The following GPC5 variants were observed in gnomAD, a reference collection of about 807,000 sequenced individuals.
The protein encoded by GPC5 is glypican 5.
Under a neutral mutation model 53.9 loss-of-function variants are expected in GPC5, and 47 were observed. That is an observed-to-expected ratio of 0.87 (90% CI 0.69 to 1.11). GPC5 has a LOEUF of 1.11. Ranked by LOEUF, GPC5 falls within the 50% of genes most tolerant of loss-of-function variation. GPC5 has a pLI of 0.00. For synonymous variants in GPC5, 286 were observed against 263.3 expected, an observed-to-expected ratio of 1.09 and a Z score of -0.84; for missense variants, 748 against 713.1, an observed-to-expected ratio of 1.05 and a Z score of -0.56.
chr13:91,437,133 CTT>C (rs1220635327), intron 1 of GPC5, among the ~76,000 whole-genome samples: 1 of 152,104 alleles, frequency 6.6e-6, no homozygotes, highest in Non-Finnish European at 1.5e-5. Context: ...GGTCTTGACT[CTT>C]TATCCAATTT....
intron 6 of GPC5, chr13:91,996,101 C>T (rs1335559526): frequency 2.6e-5 from 4 of 152,186 alleles, no homozygotes; most frequent in Non-Finnish European, 5.9e-5. Context: ...CATTTATTCT[C>T]CTTTAGATCT....
At chr13:91,513,362 G>A (rs148249138) in intron 2 of GPC5, among the ~76,000 whole-genome samples, 64 of 152,070 alleles carry the variant, frequency 4.2e-4, no homozygotes, top group African/African-American at 1.5e-3. Flanking sequence ...ATTTGTGTGT[G>A]TGTGTGTGTG....
chr13:91,537,640 G>A (rs1886652890), intron 2 of GPC5, among the ~76,000 whole-genome samples: 1 of 152,096 alleles, frequency 6.6e-6, no homozygotes, highest in African/African-American at 2.4e-5. Flanking sequence ...CAAAATGAAA[G>A]GATGATGGAA....
intron 7 of GPC5, among the ~76,000 whole-genome samples, chr13:92,533,132 A>G (rs1055632615): frequency 6.6e-6 from 1 of 152,190 alleles, no homozygotes; most frequent in African/African-American, 2.4e-5. Context: ...TTCAAATTTT[A>G]TTACAGAATC....
At chr13:92,438,752 G>A (rs1877428086) in intron 7 of GPC5, among the ~76,000 whole-genome samples, 1 of 151,974 alleles carries the variant, frequency 6.6e-6, no homozygotes. Context: ...GAATTTTGGA[G>A]GCGGATTCTA....
At chr13:92,002,731 A>AC in intron 6 of GPC5, among the ~76,000 whole-genome samples, 3 of 152,078 alleles carry the variant, frequency 2.0e-5, no homozygotes, top group Middle Eastern at 6.8e-3. Flanking sequence ...ACCAAAAAAA[A>AC]CTACTTTTAG....
chr13:92,571,786 C>A (rs1883030802), intron 7 of GPC5, among the ~76,000 whole-genome samples: 1 of 152,094 alleles, frequency 6.6e-6, no homozygotes, highest in African/African-American at 2.4e-5. Context: ...AGCTTGTAAT[C>A]CCAGCACTTT....
chr13:91,731,445 C>T (rs570347047), intron 4 of GPC5, among the ~76,000 whole-genome samples: 1 of 152,230 alleles, frequency 6.6e-6, no homozygotes, highest in African/African-American at 2.4e-5. Flanking sequence ...GTATTTTTGT[C>T]AGGAGAGGAA....
intron 7 of GPC5, among the ~76,000 whole-genome samples, chr13:92,397,152 C>T (rs183933149): frequency 5.8e-4 from 89 of 152,262 alleles, no homozygotes; most frequent in African/African-American, 1.9e-3. Flanking sequence ...TCAAAGTTAC[C>T]TTATGCATGT....
Position 91,742,651 on chromosome 13 carries a change from A to G in GPC5, c.1155-13644A>G, listed in dbSNP as rs2036960760. ...CCCACTTTTTGTTTTGAGGGTAACA[A>G]TTACTGGAAATTATAGAAAACGTAT... On this transcript the variant is annotated intron_variant, in intron 4 of 7. Coordinates refer to ENST00000377067, the MANE Select transcript of GPC5 (RefSeq NM_004466.6). Among the ~76,000 whole-genome samples, 4 of 152,170 alleles carry G rather than the reference A, an allele frequency of 2.6e-5. No individual in the cohort carries two copies. The South Asian group carries it at 8.3e-4, about 32-fold the overall frequency.
At chr13:91,567,750 C>T (rs2031599815) in intron 2 of GPC5, among the ~76,000 whole-genome samples, 1 of 152,158 alleles carries the variant, frequency 6.6e-6, no homozygotes. Flanking sequence ...AGTCCTCTCC[C>T]AATCTCCCAA....
chr13:91,474,783 T>A (rs867053358), intron 2 of GPC5, among the ~76,000 whole-genome samples: 2 of 152,036 alleles, frequency 1.3e-5, no homozygotes, highest in African/African-American at 4.8e-5. Flanking sequence ...AATAAGAAAA[T>A]TTTTGATGAC....
chr13:91,802,584 T>C (rs1469329962), intron 5 of GPC5, among the ~76,000 whole-genome samples: 1 of 152,138 alleles, frequency 6.6e-6, no homozygotes, highest in Non-Finnish European at 1.5e-5. Context: ...TGCTGATTGG[T>C]CCATTTTACA....
At chr13:91,543,555 G>T (rs186493567) in intron 2 of GPC5, among the ~76,000 whole-genome samples, 2 of 151,746 alleles carry the variant, frequency 1.3e-5, no homozygotes, top group African/African-American at 4.8e-5. Flanking sequence ...AGAGAATAAG[G>T]TTTATTTTTA....
At chr13:91,463,025 T>A (rs1882032188) in intron 2 of GPC5, among the ~76,000 whole-genome samples, 1 of 152,070 alleles carries the variant, frequency 6.6e-6, no homozygotes, top group African/African-American at 2.4e-5. Context: ...AAATATGTAT[T>A]TTCTACTGGT....
chr13:91,456,694 T>A (rs1472872144), intron 2 of GPC5, among the ~76,000 whole-genome samples: 1 of 151,978 alleles, frequency 6.6e-6, no homozygotes, highest in Non-Finnish European at 1.5e-5. Context: ...TTTAAAAAAA[T>A]TTTTACCCCG....
chr13:92,712,677 A>T (rs1888179399), intron 7 of GPC5, among the ~76,000 whole-genome samples: 1 of 152,158 alleles, frequency 6.6e-6, no homozygotes, highest in Admixed American at 6.5e-5. Flanking sequence ...ACCACATGAT[A>T]CAGACTAAAT....
intron 7 of GPC5, among the ~76,000 whole-genome samples, chr13:92,753,009 G>C (rs35912105): frequency 0.064 from 9,691 of 152,238 alleles, 815 homozygotes; most frequent in East Asian, 0.37. Flanking sequence ...AGGCCTGCCT[G>C]CCTCTGTAGG....
chr13:92,432,470 A>G (rs1239639504), intron 7 of GPC5, among the ~76,000 whole-genome samples: 2 of 142,300 alleles, frequency 1.4e-5, no homozygotes, highest in African/African-American at 2.6e-5. Context: ...TCCTGCCTCA[A>G]CCTCCCATTT....
Sources: gnomAD v4.1 joint callset for allele counts (sites outside exome capture counted in the v4.1 genomes callset) on GRCh38, gnomAD v4.1.1 for gene constraint, MANE v1.5 for transcripts, NCBI Gene and HGNC (gene_info 2026-07-23, HGNC 2026-07-21) for gene names.